C6orf52: variants seen among roughly 807,000 people sequenced by gnomAD.
C6orf52 encodes the protein putative uncharacterized protein C6orf52.
Under a neutral mutation model 16.6 loss-of-function variants are expected in C6orf52, and 16 were observed. The observed-to-expected ratio is 0.96, with a 90% CI of 0.65 to 1.46. The LOEUF (loss-of-function observed/expected upper bound fraction) is 1.46, where lower values mean the gene tolerates loss of function less well. C6orf52 is among the 40% of genes most tolerant of loss of function. The pLI is 0.00. For synonymous variants in C6orf52, 53 were observed against 61.4 expected (o/e 0.86, Z 0.64); for missense variants, 166 against 182.3 (o/e 0.91, Z 0.52).
intron 4 of C6orf52, among the ~76,000 whole-genome samples, chr6:10,676,952 C>T (rs75342957): frequency 0.027 from 4,105 of 152,312 alleles, 175 homozygotes; most frequent in African/African-American, 0.089. Flanking sequence ...CAAATATTTT[C>T]TCCCACTCCG....
intron 4 of C6orf52, among the ~76,000 whole-genome samples, chr6:10,682,396 C>A (rs895762025): frequency 6.6e-6 from 1 of 152,188 alleles, no homozygotes; most frequent in South Asian, 2.1e-4. Flanking sequence ...ATAAACATTT[C>A]TTTTCAACAC....
At chr6:10,676,490 T>C (rs1207535314) in intron 4 of C6orf52, among the ~76,000 whole-genome samples, 3 of 152,132 alleles carry the variant, frequency 2.0e-5, no homozygotes, top group South Asian at 2.1e-4. Context: ...GTTGTGCCAA[T>C]AGGAAAAAGC....
chr6:10,687,599 G>A, intron 1 of C6orf52, 38 bp from the exon 2 acceptor site: 3 of 1,324,770 alleles, frequency 2.3e-6, no homozygotes, highest in Non-Finnish European at 3.2e-6. Flanking sequence ...TTTTATTCCT[G>A]CGTCAAAAAT....
At chr6:10,684,151 C>T (rs1027413422) in intron 3 of C6orf52, among the ~76,000 whole-genome samples, 2 of 152,106 alleles carry the variant, frequency 1.3e-5, no homozygotes, top group African/African-American at 4.8e-5. Flanking sequence ...TATTTAGATA[C>T]GGCTAAGACC....
At position 10,694,586 on chromosome 6, in the gene C6orf52, GC is replaced by G; in HGVS notation, c.-105del. The G allele has an allele frequency of 5.4e-6, 1 of 185,692 alleles. No homozygotes were observed. The highest frequency in any genetic ancestry group is 5.5e-5 in the Admixed American group (1 of 18,100). The allele number at this position is 185,692 out of a possible 1,614,324, so 11.5% of individuals were successfully genotyped here. The stretch of plus-strand genomic sequence containing the variant: ...GCCCACAACAATGCACGCTGCCGGC[GC>G]TACAGCCCCTAAGCAACCGGCCGGA... On this transcript the variant is annotated 5_prime_UTR_variant, in exon 1 of 5. Transcript: ENST00000259983.
intron 1 of C6orf52, among the ~76,000 whole-genome samples, chr6:10,691,883 C>T (rs1299861398): frequency 6.6e-6 from 1 of 151,890 alleles, no homozygotes; most frequent in Non-Finnish European, 1.5e-5. Flanking sequence ...GTTCATGGTG[C>T]TTACACCATG....
At chr6:10,678,112 A>AGGAGGCG in intron 4 of C6orf52, among the ~76,000 whole-genome samples, 1 of 143,994 alleles carries the variant, frequency 6.9e-6, no homozygotes, top group East Asian at 2.3e-4. Context: ...TGAACCCTGG[A>AGGAGGCG]GGAGGCGGTT....
At chr6:10,685,391 GATATTTT>G (rs1411199923) in intron 3 of C6orf52, among the ~76,000 whole-genome samples, 3 of 151,682 alleles carry the variant, frequency 2.0e-5, no homozygotes, top group African/African-American at 7.3e-5. Flanking sequence ...AATCTAACAA[GATATTTT>G]ATATAAGAGG....
chr6:10,681,946 A>C lies in C6orf52; in HGVS notation c.316+1241T>G, dbSNP rs565955422. 1.2e-4 allele frequency among the ~76,000 whole-genome samples: 18 copies of C among 152,292 alleles called. 2 individuals are homozygous for C. In the South Asian group the frequency reaches 3.7e-3, roughly 32 times the overall value. On this transcript the variant is annotated intron_variant, in intron 4 of 4. Coordinates refer to ENST00000259983, the MANE Select transcript of C6orf52 (RefSeq NM_001145020.3). Reference sequence around the variant, plus strand: ...CATGTGCAATAAGGGAAATAAATCAATGTGGAGTGGCTCAGACTAAGGGCC... The same window carrying C: ...CATGTGCAATAAGGGAAATAAATCACTGTGGAGTGGCTCAGACTAAGGGCC...
chr6:10,690,434 C>T (rs144654630), intron 1 of C6orf52, among the ~76,000 whole-genome samples: 280 of 152,250 alleles, frequency 1.8e-3, no homozygotes, highest in Admixed American at 4.3e-3. Flanking sequence ...AATACATTCA[C>T]GTGCAACCTC....
At chr6:10,676,989 T>TC (rs1342815478) in intron 4 of C6orf52, among the ~76,000 whole-genome samples, 5 of 152,226 alleles carry the variant, frequency 3.3e-5, no homozygotes, top group Admixed American at 6.5e-5. Context: ...TGTTACTGTT[T>TC]CCTTTGCTGT....
At chr6:10,679,341 AAG>A (rs1223467714) in intron 4 of C6orf52, among the ~76,000 whole-genome samples, 1 of 151,570 alleles carries the variant, frequency 6.6e-6, no homozygotes, top group Non-Finnish European at 1.5e-5. Context: ...TCAAGAGGCT[AAG>A]GCAGAAGAAT....
intron 3 of C6orf52, among the ~76,000 whole-genome samples, chr6:10,686,711 T>C (rs755419947): frequency 1.3e-5 from 2 of 152,238 alleles, no homozygotes; most frequent in Non-Finnish European, 2.9e-5. Flanking sequence ...TGAACACTTC[T>C]AGTTTATACA....
At chr6:10,694,746 C>T (rs1769723212), upstream of C6orf52, 2 of 427,716 alleles carry the variant, frequency 4.7e-6, no homozygotes, top group African/African-American at 4.1e-5. Flanking sequence ...TTTCTCCTTG[C>T]AGTGAGAACC....
intron 4 of C6orf52, among the ~76,000 whole-genome samples, chr6:10,678,359 C>T (rs137902902): frequency 2.6e-5 from 4 of 152,082 alleles, no homozygotes; most frequent in South Asian, 4.1e-4. Context: ...ACATCTTTCA[C>T]CTCAGTTAAA....
At chr6:10,686,907 G>A in intron 3 of C6orf52, 59 bp downstream of exon 3, 1 of 1,226,192 alleles carries the variant, frequency 8.2e-7, no homozygotes, top group Admixed American at 2.7e-5. Context: ...AGATAGGAAA[G>A]TGATGTTTAC....
intron 4 of C6orf52, chr6:10,672,780 A>C (rs569239023): frequency 4.7e-5 from 25 of 531,666 alleles, no homozygotes; most frequent in Admixed American, 6.8e-5. Context: ...CCCTCGCCAG[A>C]AACCAAATTA....
chr6:10,674,780 A>G (rs577013260), intron 4 of C6orf52: 1 of 151,634 alleles, frequency 6.6e-6, no homozygotes, highest in African/African-American at 2.4e-5. Flanking sequence ...GTATTTCTTC[A>G]TTAACTATAG....
At chr6:10,681,991 TGAG>T (rs1466520683) in intron 4 of C6orf52, among the ~76,000 whole-genome samples, 2 of 152,216 alleles carry the variant, frequency 1.3e-5, no homozygotes, top group Admixed American at 6.5e-5. Context: ...ATTGGAAGAA[TGAG>T]GAGGAGTCAC....
Sources: gnomAD v4.1 joint callset for allele counts (sites outside exome capture counted in the v4.1 genomes callset) on GRCh38, gnomAD v4.1.1 for gene constraint, MANE v1.5 for transcripts, NCBI Gene and HGNC (gene_info 2026-07-23, HGNC 2026-07-21) for gene names.